Variants in LAMA1 observed in about 807,000 individuals in gnomAD.
LAMA1 encodes the protein laminin subunit alpha 1.
Under a neutral mutation model 348.7 loss-of-function variants are expected in LAMA1, and 219 were observed. The observed-to-expected ratio is 0.63, with a 90% CI of 0.56 to 0.70. The LOEUF (loss-of-function observed/expected upper bound fraction) is 0.70. Among genes scored for constraint, LAMA1 ranks in the 30% least tolerant of loss-of-function variants. The pLI, the probability that LAMA1 is intolerant of heterozygous loss-of-function variation, is 0.00. For synonymous variants in LAMA1, 1,487 were observed against 1,491.0 expected, an observed-to-expected ratio of 1.00 and a Z score of 0.06; for missense variants, 3,744 against 3,888.0, an observed-to-expected ratio of 0.96 and a Z score of 0.99.
chr18:6,945,973 G>A (rs1378829574), intron 61 of LAMA1, among the ~76,000 whole-genome samples: 3 of 152,106 alleles, frequency 2.0e-5, no homozygotes, highest in African/African-American at 7.2e-5. Flanking sequence ...AGGAAGGGAA[G>A]TGAGAACTGG....
intron 3 of LAMA1, among the ~76,000 whole-genome samples, chr18:7,054,091 T>G (rs2058072399): frequency 6.6e-6 from 1 of 152,118 alleles, no homozygotes; most frequent in Non-Finnish European, 1.5e-5. Context: ...TTTTTTACAT[T>G]GATTCAAGCT....
At chr18:6,965,611 T>C (rs570328119) in intron 49 of LAMA1, 179 bp from the exon 50 acceptor site, 177 of 626,884 alleles carry the variant, frequency 2.8e-4, no homozygotes, top group Admixed American at 8.2e-4. Context: ...TCTAGAACAC[T>C]ACACTAATAT....
intron 36 of LAMA1, among the ~76,000 whole-genome samples, chr18:6,990,249 CT>C (rs1198149825): frequency 6.6e-6 from 1 of 152,184 alleles, no homozygotes; most frequent in Non-Finnish European, 1.5e-5. Context: ...TATTGTTCCC[CT>C]GTATGTTCCC....
At chr18:7,025,476 G>A (rs960893809) in intron 17 of LAMA1, among the ~76,000 whole-genome samples, 1 of 152,164 alleles carries the variant, frequency 6.6e-6, no homozygotes, top group Non-Finnish European at 1.5e-5. Flanking sequence ...TGGGGCCCAC[G>A]GCCAGGTGAG....
At chr18:7,028,753 G>A (rs554595308) in intron 16 of LAMA1, among the ~76,000 whole-genome samples, 15 of 152,212 alleles carry the variant, frequency 9.9e-5, no homozygotes, top group East Asian at 3.9e-4. Context: ...AAGTGCAGTC[G>A]GTGGTTAGGA....
At chr18:6,984,300 T>C (rs1405921391) in intron 39 of LAMA1, among the ~76,000 whole-genome samples, 1 of 152,214 alleles carries the variant, frequency 6.6e-6, no homozygotes, top group East Asian at 1.9e-4. Context: ...GAGACACGCA[T>C]CTTTCCCCTT....
intron 35 of LAMA1, 61 bp downstream of exon 35, chr18:6,993,580 G>T: frequency 1.7e-6 from 2 of 1,156,884 alleles, no homozygotes; most frequent in Non-Finnish European, 2.6e-6. Context: ...GTTTAATAAA[G>T]CAATGGTGAC....
rs2057874034 is a variant in LAMA1 at position 7,014,028 on chromosome 18, C to T, written c.3150G>A (p.Gly1050=). The stretch of plus-strand genomic sequence containing the variant: ...CCACATCGCACCGATGATGAGTCGA[C>T]CCCACGAGACTGCAATTGCAGGCCT... ...GCQACNCSLV[G]STHHRCDVVT... is the part of the protein sequence containing the mutation. Residue 1050 remains glycine, a synonymous_variant, in exon 23 of 63, where the codon GGG becomes GGA. Coordinates refer to ENST00000389658, the MANE Select transcript of LAMA1 (RefSeq NM_005559.4). The T allele has an allele frequency of 6.2e-7, 1 of 1,613,796 alleles. No homozygotes were observed. Among genetic ancestry groups the T allele is most frequent in the Admixed American group, 1.7e-5 (1 of 59,966 alleles).
chr18:6,965,768 G>T, intron 49 of LAMA1: 1 of 403,560 alleles, frequency 2.5e-6, no homozygotes, highest in Non-Finnish European at 4.5e-6. Flanking sequence ...CAGCCCATGA[G>T]ATGCAAACAA....
intron 1 of LAMA1, among the ~76,000 whole-genome samples, chr18:7,103,931 T>A (rs1211916608): frequency 3.3e-5 from 5 of 152,130 alleles, no homozygotes; most frequent in African/African-American, 1.2e-4. Flanking sequence ...GTTACTGCCC[T>A]AACCCCTCTG....
At chr18:7,092,658 C>CA (rs2058244235) in intron 1 of LAMA1, among the ~76,000 whole-genome samples, 1 of 150,976 alleles carries the variant, frequency 6.6e-6, no homozygotes, top group East Asian at 1.9e-4. Context: ...ATGCCCTTTG[C>CA]AAGGTCTCCA....
intron 1 of LAMA1, among the ~76,000 whole-genome samples, chr18:7,116,781 T>A (rs2058358193): frequency 6.6e-6 from 1 of 151,978 alleles, no homozygotes; most frequent in Non-Finnish European, 1.5e-5. Flanking sequence ...AATTCTTTCT[T>A]TCTTTTTCTT....
In LAMA1 at chr18:7,017,262, G is replaced by A; in HGVS notation, c.2808+16C>T. 1 of 1,592,170 alleles carries A rather than the reference G, an allele frequency of 6.3e-7. No individual in the cohort carries two copies. The highest frequency in any genetic ancestry group is 8.6e-7 in the Non-Finnish European group (1 of 1,161,130). Reference sequence around the variant, plus strand: ...TGTACCAAGGCTAAGGTGTCAATTAGTCACATGCATCTTACCAAGCACTGG... The same window carrying A: ...TGTACCAAGGCTAAGGTGTCAATTAATCACATGCATCTTACCAAGCACTGG... On this transcript the variant is annotated intron_variant, in intron 20 of 62. Transcript: ENST00000389658.
rs2057508531 is a variant in LAMA1 at position 6,943,379 on chromosome 18, A to G, written c.8868T>C (p.Gly2956=). Reference sequence around the variant, plus strand: ...CATATGCAGCTGTTATCCTGCCAGCACCATTGTTGACATGGAACAAGACCT... The same window carrying G: ...CATATGCAGCTGTTATCCTGCCAGCGCCATTGTTGACATGGAACAAGACCT... ...DGKVLFHVNN[G]AGRITAAYEP... The change falls in exon 62 of 63, where the codon GGT becomes GGC. Residue 2956 remains glycine, a synonymous_variant. Transcript: ENST00000389658. The G allele has an allele frequency of 6.2e-7, 1 of 1,614,184 alleles. No homozygotes were observed. The highest frequency in any genetic ancestry group is 8.5e-7 in the Non-Finnish European group (1 of 1,180,042).
intron 3 of LAMA1, among the ~76,000 whole-genome samples, chr18:7,058,536 T>C (rs2058091147): frequency 6.6e-6 from 1 of 152,194 alleles, no homozygotes; most frequent in Non-Finnish European, 1.5e-5. Flanking sequence ...ATAGGCTCTT[T>C]AAAGAGGTGA....
At chr18:7,101,224 A>T (rs1023649538) in intron 1 of LAMA1, among the ~76,000 whole-genome samples, 3 of 152,214 alleles carry the variant, frequency 2.0e-5, no homozygotes, top group African/African-American at 7.2e-5. Flanking sequence ...ACACTTAACA[A>T]TTGGCAGAGG....
At chr18:7,024,502 T>C (rs374594398) in intron 17 of LAMA1, 36 bp from the exon 18 acceptor site, 52 of 1,528,502 alleles carry the variant, frequency 3.4e-5, no homozygotes, top group Non-Finnish European at 4.5e-5. Context: ...AATTTTCCAA[T>C]GGATGAAGCC....
intron 35 of LAMA1, 90 bp from the exon 36 acceptor site, chr18:6,992,810 G>A (rs932422109): frequency 2.1e-5 from 24 of 1,123,406 alleles, no homozygotes; most frequent in African/African-American, 3.1e-5. Context: ...GCTGAGGACT[G>A]CTCTGTTTAC....
At position 6,982,556 on chromosome 18, in the gene LAMA1, G is replaced by A. The variant is rs867690944; in HGVS notation, c.5831C>T (p.Ala1944Val). 4 of 1,614,150 alleles carry A rather than the reference G, an allele frequency of 2.5e-6. No individual in the cohort carries two copies. Among genetic ancestry groups the A allele is most frequent in the Non-Finnish European group, 3.4e-6 (4 of 1,180,024 alleles). ...TAGAAATCTGGAGCTGCGCTGCACGGCCGCTTTCCCGTTAGAAACAAGGGA... is the reference window on the plus strand; with the variant it reads ...TAGAAATCTGGAGCTGCGCTGCACGACCGCTTTCCCGTTAGAAACAAGGGA... The part of the protein sequence containing the change: ...SESLVSNGKA[A>V]VQRSSRFLKE... Residue 1944 changes from alanine (A) to valine (V), a missense_variant, in exon 41 of 63, where the codon GCC (alanine) becomes GTC (valine). Ala to Val is a moderately conservative substitution (Grantham distance 64). Transcript: ENST00000389658.
Sources: gnomAD v4.1 joint callset for allele counts (sites outside exome capture counted in the v4.1 genomes callset) on GRCh38, gnomAD v4.1.1 for gene constraint, MANE v1.5 for transcripts, NCBI Gene and HGNC (gene_info 2026-07-23, HGNC 2026-07-21) for gene names.